The following NELL1 variants were observed in gnomAD, a reference collection of about 807,000 sequenced individuals.
NELL1 encodes neural EGFL like 1, also known as protein kinase C-binding protein NELL1.
Under a neutral mutation model 107.4 loss-of-function variants are expected in NELL1, and 76 were observed. The ratio of observed to expected loss-of-function variants is 0.71; its 90% confidence interval spans 0.59 to 0.86. The LOEUF (loss-of-function observed/expected upper bound fraction) is 0.86, where lower values mean the gene tolerates loss of function less well. NELL1 is among the 40% of genes least tolerant of loss of function. The pLI, the probability that NELL1 is intolerant of heterozygous loss-of-function variation, is 0.00. For missense variants in NELL1, 1,024 were observed against 1,005.5 expected, an observed-to-expected ratio of 1.02 and a Z score of -0.25; for synonymous variants, 353 against 341.2, an observed-to-expected ratio of 1.03 and a Z score of -0.38.
intron 13 of NELL1, among the ~76,000 whole-genome samples, chr11:21,127,588 G>A (rs1201019505): frequency 6.6e-6 from 1 of 152,004 alleles, no homozygotes; most frequent in Non-Finnish European, 1.5e-5. Flanking sequence ...AGAAGAGGAA[G>A]AGGAGGAAGA....
chr11:21,362,363 C>A (rs930238156), intron 14 of NELL1, among the ~76,000 whole-genome samples: 2 of 152,166 alleles, frequency 1.3e-5, no homozygotes, highest in African/African-American at 4.8e-5. Context: ...AATCTTCCAG[C>A]CATGGATACC....
At chr11:20,755,069 T>C (rs896964001) in intron 2 of NELL1, among the ~76,000 whole-genome samples, 3 of 152,200 alleles carry the variant, frequency 2.0e-5, no homozygotes, top group Non-Finnish European at 4.4e-5. Flanking sequence ...ATATCTGGCC[T>C]GACTCATCAT....
intron 15 of NELL1, among the ~76,000 whole-genome samples, chr11:21,414,027 G>A (rs1852442172): frequency 6.6e-6 from 1 of 151,990 alleles, no homozygotes; most frequent in African/African-American, 2.4e-5. Context: ...TATTTCTGAA[G>A]CCTTACAACA....
chr11:20,677,839 C>A, intron 1 of NELL1, 93 bp from the exon 2 acceptor site: 12 of 1,456,412 alleles, frequency 8.2e-6, no homozygotes, highest in Non-Finnish European at 1.1e-5. Flanking sequence ...TCATTGGCTT[C>A]CTTGTATTCC....
rs572413705 is a variant in NELL1, at chr11:20,785,331, C to T, written c.335+1501C>T. Among the ~76,000 whole-genome samples, 8 of 152,282 alleles carry T rather than the reference C, an allele frequency of 5.3e-5. No individual in the cohort carries two copies. The South Asian group carries it at 1.7e-3, about 32-fold the overall frequency. ...TTACAATCTGGCTGTTCTGGGTCAG[C>T]CCAGAGAAAGCAAGGTGATGTACAT... is the stretch of plus-strand genomic sequence containing the variant. On this transcript the variant is annotated intron_variant, in intron 3 of 19. Transcript: ENST00000357134.
In NELL1 at chr11:20,679,816, A is replaced by G. The variant is rs528525165; in HGVS notation, c.184+1756A>G. Among the ~76,000 whole-genome samples, 227 of 152,330 alleles carry G rather than the reference A, an allele frequency of 1.5e-3. 1 individual carries two copies. The highest frequency in any genetic ancestry group is 2.5e-3 in the Admixed American group (38 of 15,292). Reference sequence around the variant, plus strand: ...TCCTCAGGGCCACCTACTGTGCATGAAACACAGTAGGTGATCAATAAACAT... The same window carrying G: ...TCCTCAGGGCCACCTACTGTGCATGGAACACAGTAGGTGATCAATAAACAT... On this transcript the variant is annotated intron_variant, in intron 2 of 19. Coordinates refer to ENST00000357134, the MANE Select transcript of NELL1 (RefSeq NM_006157.5).
At chr11:20,915,824 C>A (rs1383640453) in intron 5 of NELL1, among the ~76,000 whole-genome samples, 1 of 148,840 alleles carries the variant, frequency 6.7e-6, no homozygotes, top group African/African-American at 2.5e-5. Context: ...ACATGCTTAG[C>A]AAATGCTTCT....
At chr11:20,998,690 G>A (rs771351514) in intron 12 of NELL1, among the ~76,000 whole-genome samples, 10 of 152,072 alleles carry the variant, frequency 6.6e-5, no homozygotes, top group East Asian at 1.9e-4. Flanking sequence ...GGAAAACATC[G>A]GCTGTCTTCC....
In NELL1 at chr11:21,141,737, T is replaced by A. The variant is rs539746917; in HGVS notation, c.1426+28023T>A. 1.8e-4 allele frequency among the ~76,000 whole-genome samples: 26 copies of A among 147,650 alleles called. No homozygotes were observed. The South Asian group carries it at 1.8e-3, about 10-fold the overall frequency. Reference sequence around the variant, plus strand: ...ATTGTATACCCTCCTCCTCTATCCTTTTTATTTATTTATTTATTTATTTAT... The same window carrying A: ...ATTGTATACCCTCCTCCTCTATCCTATTTATTTATTTATTTATTTATTTAT... On this transcript the variant is annotated intron_variant, in intron 13 of 19. Transcript: ENST00000357134.
chr11:21,159,728 C>T (rs923022169), intron 13 of NELL1, among the ~76,000 whole-genome samples: 1 of 152,202 alleles, frequency 6.6e-6, no homozygotes, highest in African/African-American at 2.4e-5. Flanking sequence ...GGCTATACTG[C>T]TAACAAATCT....
At chr11:20,932,709 G>A (rs1850644002) in intron 9 of NELL1, among the ~76,000 whole-genome samples, 2 of 152,180 alleles carry the variant, frequency 1.3e-5, no homozygotes, top group African/African-American at 2.4e-5. Flanking sequence ...ACTTGTCCAA[G>A]GTCTCCCAGT....
intron 15 of NELL1, among the ~76,000 whole-genome samples, chr11:21,406,841 ATCT>A (rs1421632989): frequency 6.6e-5 from 10 of 152,102 alleles, no homozygotes. Flanking sequence ...ATATTTCAAA[ATCT>A]TCTAGTTATT....
At chr11:20,887,832 C>G (rs1379721005) in intron 5 of NELL1, among the ~76,000 whole-genome samples, 1 of 152,180 alleles carries the variant, frequency 6.6e-6, no homozygotes, top group East Asian at 1.9e-4. Flanking sequence ...TTGATGTAGA[C>G]CTCAAAGGAT....
At chr11:21,326,626 T>G (rs542267548) in intron 14 of NELL1, among the ~76,000 whole-genome samples, 1 of 152,256 alleles carries the variant, frequency 6.6e-6, no homozygotes, top group Admixed American at 6.5e-5. Context: ...TATCATTTCC[T>G]TCTACCTGAA....
At chr11:20,887,780 C>T (rs992261437) in intron 5 of NELL1, among the ~76,000 whole-genome samples, 2 of 152,058 alleles carry the variant, frequency 1.3e-5, no homozygotes, top group Admixed American at 1.3e-4. Context: ...CCTTGGGAGT[C>T]CTGATGAAGA....
intron 13 of NELL1, among the ~76,000 whole-genome samples, chr11:21,204,181 C>T (rs1044860081): frequency 6.6e-6 from 1 of 152,136 alleles, no homozygotes; most frequent in Non-Finnish European, 1.5e-5. Context: ...GGGAAGTTCT[C>T]CTGGATAATA....
intron 2 of NELL1, among the ~76,000 whole-genome samples, chr11:20,694,370 G>T (rs894319970): frequency 6.6e-6 from 1 of 152,012 alleles, no homozygotes; most frequent in Middle Eastern, 3.4e-3. Flanking sequence ...TATTTTCTGG[G>T]TTTTCTTCTA....
chr11:20,791,882 A>C (rs1443443872), intron 3 of NELL1, among the ~76,000 whole-genome samples: 1 of 151,934 alleles, frequency 6.6e-6, no homozygotes, highest in African/African-American at 2.4e-5. Context: ...CATAGTTTTA[A>C]TCTTTTATTC....
intron 14 of NELL1, among the ~76,000 whole-genome samples, chr11:21,363,297 G>A (rs545753992): frequency 6.6e-6 from 1 of 152,260 alleles, no homozygotes; most frequent in Non-Finnish European, 1.5e-5. Context: ...TGTGCTACTT[G>A]TACTTTCAAA....
Sources: allele counts gnomAD v4.1 joint callset (sites outside exome capture counted in the v4.1 genomes callset), GRCh38; gene constraint gnomAD v4.1.1; transcripts MANE v1.5; gene names NCBI Gene and HGNC (gene_info 2026-07-23, HGNC 2026-07-21).